MCF2L: variants seen among roughly 807,000 people sequenced by gnomAD.
MCF2L encodes guanine nucleotide exchange factor DBS.
MCF2L carries 97 observed loss-of-function variants against 153.4 expected under a neutral mutation model. The ratio of observed to expected loss-of-function variants is 0.63; its 90% confidence interval spans 0.54 to 0.75. MCF2L has a LOEUF of 0.75. Ranked by LOEUF, MCF2L falls within the 30% of genes least tolerant of loss-of-function variation. The pLI, the probability that MCF2L is intolerant of heterozygous loss-of-function variation, is 0.00. For missense variants in MCF2L, 1,347 were observed against 1,495.2 expected, an observed-to-expected ratio of 0.90 and a Z score of 1.64; for synonymous variants, 659 against 632.2, an observed-to-expected ratio of 1.04 and a Z score of -0.64.
upstream of MCF2L, chr13:112,967,577 T>C (rs2081909939): frequency 6.6e-6 from 1 of 152,288 alleles, no homozygotes; most frequent in South Asian, 2.1e-4. Flanking sequence ...TTTCCAGATC[T>C]GTCTGGCCTA....
intron 2 of MCF2L, among the ~76,000 whole-genome samples, chr13:112,931,145 A>G (rs2081458931): frequency 6.6e-6 from 1 of 151,958 alleles, no homozygotes; most frequent in African/African-American, 2.4e-5. Context: ...AGGGAGTGGC[A>G]CTCTGTGTTT....
In MCF2L at chr13:113,046,577, C is replaced by T. The variant is rs754598325; in HGVS notation, c.369+1216C>T. 1 of 533,354 alleles carries T rather than the reference C, an allele frequency of 1.9e-6. No individual in the cohort carries two copies. The highest frequency in any genetic ancestry group is 1.4e-5 in the South Asian group (1 of 71,580). The allele number at this position is 533,354 out of a possible 1,614,324, so 33.0% of individuals were successfully genotyped here. A position where few individuals can be genotyped will look rare whatever the true frequency, so the allele number is the denominator to read the frequency against. ...TCATTCCTTTCCCCGCACATTGCCTCATTCCTTCATCTTTTACAAGAATTA... is the reference window on the plus strand; with the variant it reads ...TCATTCCTTTCCCCGCACATTGCCTTATTCCTTCATCTTTTACAAGAATTA... On this transcript the variant is annotated intron_variant, in intron 4 of 29. Coordinates refer to ENST00000535094, the MANE Select transcript of MCF2L (RefSeq NM_001112732.3). The surrounding 1 kb of genome is among the most constrained non-coding windows in gnomAD (Gnocchi z 4.4).
chr13:112,959,398 A>G (rs1270208522), intron 2 of MCF2L, among the ~76,000 whole-genome samples: 3 of 151,964 alleles, frequency 2.0e-5, no homozygotes, highest in Non-Finnish European at 4.4e-5. Context: ...TTTCAGAACA[A>G]GCGCGTTCTC....
chr13:113,088,692 C>T (rs986116930), intron 25 of MCF2L, 64 bp downstream of exon 25: 13 of 1,516,730 alleles, frequency 8.6e-6, no homozygotes, highest in African/African-American at 5.5e-5. Context: ...GCCATTTGCA[C>T]GCCAGGGTCC....
chr13:112,945,748 G>T (rs1290221839), intron 2 of MCF2L, among the ~76,000 whole-genome samples: 2 of 152,236 alleles, frequency 1.3e-5, no homozygotes, highest in Non-Finnish European at 2.9e-5. Context: ...GATAAAGTGT[G>T]CCTGGCACAG....
chr13:113,009,163 C>G (rs917875686), intron 1 of MCF2L: 2 of 152,278 alleles, frequency 1.3e-5, no homozygotes, highest in Non-Finnish European at 2.9e-5. Flanking sequence ...TGGGAGTCCG[C>G]CGGCTCCTGG....
intron 22 of MCF2L, 89 bp downstream of exon 22, chr13:113,087,545 A>G: frequency 8.5e-7 from 1 of 1,179,632 alleles, no homozygotes; most frequent in Non-Finnish European, 1.2e-6. Flanking sequence ...GGCCACGCTG[A>G]CACCCAGCTC....
intron 1 of MCF2L, among the ~76,000 whole-genome samples, chr13:113,011,359 G>C (rs72485690): frequency 0.057 from 8,649 of 152,346 alleles, 350 homozygotes; most frequent in East Asian, 0.14. Context: ...TCCTGGCCCA[G>C]AGAGTCCAGA....
intron 3 of MCF2L, among the ~76,000 whole-genome samples, chr13:113,041,900 T>A (rs186216542): frequency 1.2e-3 from 179 of 152,262 alleles, no homozygotes; most frequent in South Asian, 2.1e-3. Flanking sequence ...GCACACGTGG[T>A]GTCTGAGCCA....
In MCF2L at chr13:113,054,166, G is replaced by A. The variant is rs2087566762; in HGVS notation, c.370-6427G>A. On this transcript the variant is annotated intron_variant, in intron 4 of 29. Transcript: ENST00000535094. The surrounding 1 kb of genome is among the most constrained non-coding windows in gnomAD (Gnocchi z 5.2). ...TAGTCCCCACCCAAATGTCATTCGA[G>A]TCCAATCTCAGGATCCTGGATGCAC... The A allele has an allele frequency of 6.0e-6, 1 of 167,172 alleles. No homozygotes were observed. 10.4% of individuals were successfully genotyped at this position (167,172 alleles called of 1,614,324 possible).
intron 18 of MCF2L, chr13:113,084,560 C>G (rs1301943891): frequency 2.5e-6 from 1 of 395,418 alleles, no homozygotes; most frequent in Non-Finnish European, 4.5e-6. Context: ...GCTAGAAGTT[C>G]TATTATATAA....
intron 4 of MCF2L, among the ~76,000 whole-genome samples, chr13:113,059,663 C>T (rs2031040452): frequency 6.6e-6 from 1 of 152,168 alleles, no homozygotes; most frequent in Non-Finnish European, 1.5e-5. Context: ...CCACGCACGC[C>T]TTGGTCCATT....
At chr13:113,012,178 A>G (rs1229216613) in intron 1 of MCF2L, among the ~76,000 whole-genome samples, 698 of 63,568 alleles carry the variant, frequency 0.011, no homozygotes, top group Middle Eastern at 0.061. Flanking sequence ...GTGGACAGGC[A>G]GTGTGGATGG....
intron 2 of MCF2L, among the ~76,000 whole-genome samples, chr13:112,950,631 ATAGTCTTTTCAACAAATAGTGCTG>A (rs1324856614): frequency 6.6e-6 from 1 of 152,244 alleles, no homozygotes; most frequent in African/African-American, 2.4e-5. Context: ...TGGAAGAAAG[ATAGTCTTTTCAACAAATAGTGCTG>A]AAGTAATTGG....
At position 113,018,634 on chromosome 13, in the gene MCF2L, A is replaced by G. The variant is rs560791098; in HGVS notation, c.163+3788A>G. On this transcript the variant is annotated intron_variant, in intron 2 of 29. Coordinates refer to ENST00000535094, the MANE Select transcript of MCF2L (RefSeq NM_001112732.3). ...GGTCTCAGAACTCAGTCCTTGTGTC[A>G]TCCTAGAAAAGATACTTCAACTTGC... Among the ~76,000 whole-genome samples the G allele has an allele frequency of 5.3e-5, 8 of 152,234 alleles. No individual in the cohort carries two copies. In the East Asian group the frequency reaches 1.5e-3, roughly 29 times the overall value.
At chr13:113,011,160 G>A (rs554343199) in intron 1 of MCF2L, among the ~76,000 whole-genome samples, 1 of 152,328 alleles carries the variant, frequency 6.6e-6, no homozygotes, top group East Asian at 1.9e-4. Flanking sequence ...CTCTGGTGTG[G>A]GTCAGAGAGC....
At position 113,094,424 on chromosome 13, in the gene MCF2L, G is replaced by C. The variant is rs1259459138; in HGVS notation, c.2954-90G>C. Reference sequence around the variant, plus strand: ...GGGGCCCACGGCACACATTTCAGGGGGTCTGTGGGACTTAGCTGACCCCAC... The same window carrying C: ...GGGGCCCACGGCACACATTTCAGGGCGTCTGTGGGACTTAGCTGACCCCAC... On this transcript the variant is annotated intron_variant, in intron 26 of 29. Transcript: ENST00000535094. 5 of 1,383,864 alleles carry C rather than the reference G, an allele frequency of 3.6e-6. No homozygotes were observed. The South Asian group carries it at 7.3e-5, about 20-fold the overall frequency. 85.7% of individuals were successfully genotyped at this position (1,383,864 alleles called of 1,614,324 possible).
chr13:113,045,001 C>A lies in MCF2L; in HGVS notation c.279-270C>A. 2 of 1,379,200 alleles carry A rather than the reference C, an allele frequency of 1.5e-6. No homozygotes were observed. Among genetic ancestry groups the A allele is most frequent in the Non-Finnish European group, 2.0e-6 (2 of 1,001,230 alleles). The allele number at this position is 1,379,200 out of a possible 1,614,324, so 85.4% of individuals were successfully genotyped here. ...ATGACTGAGCTCGGGAGAGATGGTTCTGCCTCAATCTGTGACTCGAGGTGG... is the reference window on the plus strand; with the variant it reads ...ATGACTGAGCTCGGGAGAGATGGTTATGCCTCAATCTGTGACTCGAGGTGG... On this transcript the variant is annotated intron_variant, in intron 3 of 29. Coordinates refer to ENST00000535094, the MANE Select transcript of MCF2L (RefSeq NM_001112732.3). This position sits in a 1 kb window ranked among gnomAD's most constrained non-coding sequence, Gnocchi z 4.2.
intron 1 of MCF2L, among the ~76,000 whole-genome samples, chr13:112,977,757 T>C (rs947379316): frequency 1.9e-4 from 29 of 152,182 alleles, no homozygotes; most frequent in African/African-American, 6.3e-4. Flanking sequence ...CGCTCACTGC[T>C]TCCGTGAATA....
Sources: allele counts gnomAD v4.1 joint callset (sites outside exome capture counted in the v4.1 genomes callset), GRCh38; gene constraint gnomAD v4.1.1; non-coding constraint Gnocchi (gnomAD v3.1); transcripts MANE v1.5; gene names NCBI Gene and HGNC (gene_info 2026-07-23, HGNC 2026-07-21).